Variants in GLRX3 observed in about 807,000 individuals in gnomAD.
GLRX3 encodes glutaredoxin-3.
Under a neutral mutation model 49.5 loss-of-function variants are expected in GLRX3, and 22 were observed. The ratio of observed to expected loss-of-function variants is 0.44; its 90% CI spans 0.32 to 0.63. The LOEUF is 0.63. Among genes scored for constraint, GLRX3 ranks in the 30% least tolerant of loss-of-function variants. GLRX3 has a pLI of 0.05. For synonymous variants in GLRX3, 133 were observed against 140.0 expected (o/e 0.95, Z 0.35); for missense variants, 385 against 396.3 (o/e 0.97, Z 0.24).
At chr10:130,169,524 T>G (rs1260201010) in intron 7 of GLRX3, 34 bp downstream of exon 7, 2 of 1,352,622 alleles carry the variant, frequency 1.5e-6, no homozygotes, top group African/African-American at 2.8e-5. Flanking sequence ...ATTTGTAATT[T>G]CTTTTGATGT....
intron 1 of GLRX3, among the ~76,000 whole-genome samples, chr10:130,143,143 G>A (rs1324907613): frequency 3.3e-5 from 5 of 152,218 alleles, no homozygotes; most frequent in Admixed American, 3.3e-4. Context: ...CTTGGAGCCA[G>A]CTGTAGACTG....
At chr10:130,138,606 G>A (rs546643810) in intron 1 of GLRX3, among the ~76,000 whole-genome samples, 1 of 152,258 alleles carries the variant, frequency 6.6e-6, no homozygotes, top group African/African-American at 2.4e-5. Context: ...AGGGGTTGGG[G>A]AGGGACATGT....
At chr10:130,160,743 A>C in intron 3 of GLRX3, 53 bp from the exon 4 acceptor site, 1 of 1,018,144 alleles carries the variant, frequency 9.8e-7, no homozygotes, top group Admixed American at 1.7e-5. Flanking sequence ...TGCTATAACA[A>C]TGTCATTATT....
At chr10:130,148,173 T>A (rs930784213) in intron 2 of GLRX3, among the ~76,000 whole-genome samples, 11 of 152,280 alleles carry the variant, frequency 7.2e-5, no homozygotes, top group African/African-American at 2.4e-4. Context: ...GTCTCACTCT[T>A]ATTGCCCAGG....
intron 4 of GLRX3, 117 bp downstream of exon 4, chr10:130,161,114 T>A: frequency 4.4e-6 from 3 of 685,976 alleles, no homozygotes; most frequent in Non-Finnish European, 5.1e-6. Context: ...ATACTTGTGT[T>A]CACATACTTT....
At chr10:130,140,594 G>A (rs1407404953) in intron 1 of GLRX3, among the ~76,000 whole-genome samples, 1 of 152,126 alleles carries the variant, frequency 6.6e-6, no homozygotes, top group Non-Finnish European at 1.5e-5. Flanking sequence ...TTTTACAGAT[G>A]TGGAAGTTAA....
At chr10:130,149,123 C>G (rs1351730847) in intron 2 of GLRX3, among the ~76,000 whole-genome samples, 1 of 152,028 alleles carries the variant, frequency 6.6e-6, no homozygotes, top group East Asian at 1.9e-4. Context: ...GGGTGGTGTT[C>G]CATTTACCTG....
At chr10:130,139,405 C>G (rs1590054641) in intron 1 of GLRX3, among the ~76,000 whole-genome samples, 1 of 150,336 alleles carries the variant, frequency 6.7e-6, no homozygotes, top group African/African-American at 2.4e-5. Context: ...TTTGGGAGGC[C>G]GAGGTGGGTG....
downstream of GLRX3, chr10:130,179,677 A>T (rs1465811348): frequency 2.9e-6 from 1 of 344,730 alleles, no homozygotes; most frequent in Admixed American, 5.4e-5. Context: ...AACCCACCTT[A>T]AATCTCTTTT....
Position 130,161,016 on chromosome 10 carries a change from C to T in GLRX3, c.478+19C>T. 1 of 1,580,926 alleles carries T rather than the reference C, an allele frequency of 6.3e-7. No individual in the cohort carries two copies. The highest frequency in any genetic ancestry group is 8.7e-7 in the Non-Finnish European group (1 of 1,152,204). On this transcript the variant is annotated intron_variant, in intron 4 of 10. Coordinates refer to ENST00000331244, the MANE Select transcript of GLRX3 (RefSeq NM_006541.5). ...CGCTGTGGTAAGAAGCTGCCTTTAA[C>T]ATAATATAAACAAAATGGGTGCTTT...
intron 10 of GLRX3, among the ~76,000 whole-genome samples, chr10:130,176,673 T>A (rs574686004): frequency 4.6e-5 from 7 of 152,024 alleles, no homozygotes; most frequent in South Asian, 2.1e-4. Context: ...GAGGAAAAAA[T>A]TTTTAAGACT....
intron 2 of GLRX3, among the ~76,000 whole-genome samples, chr10:130,151,168 C>T (rs1014192050): frequency 1.3e-5 from 2 of 151,934 alleles, no homozygotes; most frequent in African/African-American, 2.4e-5. Flanking sequence ...CCTCGTGATC[C>T]GCCTGCCTCG....
intron 1 of GLRX3, among the ~76,000 whole-genome samples, chr10:130,137,463 CTT>C (rs995376819): frequency 1.9e-4 from 29 of 152,218 alleles, no homozygotes; most frequent in African/African-American, 6.7e-4. Context: ...TATGGGAACT[CTT>C]ATGTCGGATT....
chr10:130,176,129 A>G (rs1416523794), intron 10 of GLRX3, among the ~76,000 whole-genome samples: 1 of 136,432 alleles, frequency 7.3e-6, no homozygotes, highest in African/African-American at 2.9e-5. Context: ...TTTTTTTTTT[A>G]CATTTTTTTT....
At chr10:130,167,542 T>C (rs917849438) in intron 6 of GLRX3, among the ~76,000 whole-genome samples, 2 of 152,222 alleles carry the variant, frequency 1.3e-5, no homozygotes, top group East Asian at 3.8e-4. Flanking sequence ...GACGTTCTCT[T>C]ACAGAAATGT....
At chr10:130,138,553 T>C (rs1862110588) in intron 1 of GLRX3, among the ~76,000 whole-genome samples, 1 of 152,192 alleles carries the variant, frequency 6.6e-6, no homozygotes, top group South Asian at 2.1e-4. Context: ...AACAGCTCTT[T>C]AGGCATTTCA....
chr10:130,170,249 C>T (rs12412096), intron 7 of GLRX3, among the ~76,000 whole-genome samples: 14,313 of 152,078 alleles, frequency 0.094, 849 homozygotes, highest in Non-Finnish European at 0.12. Context: ...ATAAAGAAAC[C>T]AAAGTTTTGA....
chr10:130,179,196 A>G, intron 10 of GLRX3, 146 bp from the exon 11 acceptor site: 1 of 519,104 alleles, frequency 1.9e-6, no homozygotes, highest in Non-Finnish European at 3.4e-6. Flanking sequence ...TGGCTCATTT[A>G]GTTTGAGAGT....
intron 1 of GLRX3, among the ~76,000 whole-genome samples, chr10:130,139,900 G>T (rs1054587786): frequency 6.6e-6 from 1 of 152,220 alleles, no homozygotes; most frequent in African/African-American, 2.4e-5. Flanking sequence ...CTGTACTCCA[G>T]CCTGGGTGAC....
Sources: gnomAD v4.1 joint callset for allele counts (sites outside exome capture counted in the v4.1 genomes callset) on GRCh38, gnomAD v4.1.1 for gene constraint, MANE v1.5 for transcripts, NCBI Gene and HGNC (gene_info 2026-07-23, HGNC 2026-07-21) for gene names.